ORC4: variants seen among roughly 807,000 people sequenced by gnomAD.
ORC4 encodes the protein origin recognition complex, subunit 4 homolog.
Under a neutral mutation model 63.9 loss-of-function variants are expected in ORC4, and 55 were observed. The ratio of observed to expected loss-of-function variants is 0.86; its 90% CI spans 0.69 to 1.08. The LOEUF is 1.08. Ranked by LOEUF, ORC4 falls within the 50% of genes least tolerant of loss-of-function variation. ORC4 has a pLI of 0.00. For synonymous variants in ORC4, 150 were observed against 168.5 expected (o/e 0.89, Z 0.85); for missense variants, 511 against 504.4 (o/e 1.01, Z -0.13).
At chr2:148,012,962 G>A (rs1382085964) in intron 1 of ORC4, among the ~76,000 whole-genome samples, 1 of 152,218 alleles carries the variant, frequency 6.6e-6, no homozygotes, top group Non-Finnish European at 1.5e-5. Flanking sequence ...AGAATGTGGA[G>A]AAAGGGGAAC....
intron 1 of ORC4, among the ~76,000 whole-genome samples, chr2:147,989,203 C>T (rs369478728): frequency 6.6e-6 from 1 of 152,004 alleles, no homozygotes; most frequent in African/African-American, 2.4e-5. Context: ...TAAAAAGGCA[C>T]GCTCTGAGTT....
At chr2:147,948,495 C>A (rs1688775536) in intron 8 of ORC4, among the ~76,000 whole-genome samples, 1 of 151,958 alleles carries the variant, frequency 6.6e-6, no homozygotes, top group Non-Finnish European at 1.5e-5. Context: ...TTTAAAAAAA[C>A]TGACAATATT....
At chr2:147,952,632 T>G in intron 7 of ORC4, 108 bp from the exon 8 acceptor site, 1 of 826,924 alleles carries the variant, frequency 1.2e-6, no homozygotes, top group Non-Finnish European at 2.0e-6. Context: ...CTGTAAACAT[T>G]CTGATAGCCT....
At chr2:148,008,136 T>C (rs1015745725) in intron 1 of ORC4, among the ~76,000 whole-genome samples, 2 of 152,208 alleles carry the variant, frequency 1.3e-5, no homozygotes, top group African/African-American at 4.8e-5. Flanking sequence ...CAGACTCATC[T>C]TTCAGAAAAT....
chr2:147,976,226 G>A (rs939915975), intron 1 of ORC4, among the ~76,000 whole-genome samples: 3 of 151,906 alleles, frequency 2.0e-5, no homozygotes, highest in Non-Finnish European at 4.4e-5. Flanking sequence ...AAAGTAAACT[G>A]AAGGTTTGTA....
intron 1 of ORC4, among the ~76,000 whole-genome samples, chr2:147,995,520 A>T (rs962725338): frequency 6.6e-6 from 1 of 152,116 alleles, no homozygotes; most frequent in African/African-American, 2.4e-5. Flanking sequence ...CGCTCTTCAC[A>T]ATAGATCTTG....
At chr2:148,004,332 T>A (rs1431765276) in intron 1 of ORC4, among the ~76,000 whole-genome samples, 1 of 152,180 alleles carries the variant, frequency 6.6e-6, no homozygotes, top group African/African-American at 2.4e-5. Context: ...AGAACAAAGC[T>A]GGAGGCATCA....
At chr2:147,972,905 A>C (rs1690303852) in intron 3 of ORC4, 76 bp from the exon 4 acceptor site, 1 of 932,454 alleles carries the variant, frequency 1.1e-6, no homozygotes, top group Non-Finnish European at 1.7e-6. Flanking sequence ...TTTAAAAGGC[A>C]TATTTGAATA....
intron 1 of ORC4, among the ~76,000 whole-genome samples, chr2:148,018,352 G>A (rs1693441930): frequency 6.6e-6 from 1 of 152,200 alleles, no homozygotes; most frequent in Admixed American, 6.5e-5. Flanking sequence ...ATATACTGCT[G>A]TCGGGGTATA....
chr2:148,008,920 G>T (rs1287177038), intron 1 of ORC4, among the ~76,000 whole-genome samples: 2 of 151,812 alleles, frequency 1.3e-5, no homozygotes, highest in Non-Finnish European at 2.9e-5. Flanking sequence ...TTCTTTTGCA[G>T]CATCGAAACT....
intron 4 of ORC4, among the ~76,000 whole-genome samples, chr2:147,970,826 A>T (rs1690169320): frequency 6.6e-6 from 1 of 152,088 alleles, no homozygotes; most frequent in South Asian, 2.1e-4. Context: ...AAAACTGACA[A>T]ATTAGATTAT....
chr2:147,987,811 T>C (rs959257857), intron 1 of ORC4, among the ~76,000 whole-genome samples: 2 of 152,094 alleles, frequency 1.3e-5, no homozygotes, highest in Non-Finnish European at 2.9e-5. Flanking sequence ...CCCAGCACTT[T>C]GGGAGGCCGA....
At chr2:147,989,943 T>G (rs986572441) in intron 1 of ORC4, among the ~76,000 whole-genome samples, 1 of 152,124 alleles carries the variant, frequency 6.6e-6, no homozygotes, top group African/African-American at 2.4e-5. Flanking sequence ...TACCCTTACT[T>G]TGAGGCAAAA....
rs1687991075 is a variant in ORC4 at position 147,935,368 on chromosome 2, C to T, written c.*142G>A. On this transcript the variant is annotated 3_prime_UTR_variant, in exon 14 of 14. Transcript: ENST00000392857. ...CTGTTCATGATTAAAAGGCAAGACACAGCCAAGACAGTAGATGGGCAAGTC... is the reference window on the plus strand; with the variant it reads ...CTGTTCATGATTAAAAGGCAAGACATAGCCAAGACAGTAGATGGGCAAGTC... The T allele has an allele frequency of 1.5e-6, 1 of 681,738 alleles. No individual in the cohort carries two copies. The allele number at this position is 681,738 out of a possible 1,614,324, so 42.2% of individuals were successfully genotyped here.
At chr2:147,972,903 G>A in intron 3 of ORC4, 74 bp from the exon 4 acceptor site, 1 of 1,017,840 alleles carries the variant, frequency 9.8e-7, no homozygotes. Context: ...TTTTTAAAAG[G>A]CATATTTGAA....
At chr2:147,987,118 G>A (rs1691250093) in intron 1 of ORC4, among the ~76,000 whole-genome samples, 1 of 150,658 alleles carries the variant, frequency 6.6e-6, no homozygotes, top group Non-Finnish European at 1.5e-5. Flanking sequence ...TTCCGTCTCA[G>A]CCTCCTAAGT....
chr2:147,966,034 G>C (rs985261484), intron 4 of ORC4, among the ~76,000 whole-genome samples: 3 of 151,784 alleles, frequency 2.0e-5, no homozygotes, highest in Admixed American at 2.0e-4. Flanking sequence ...AGGGAGACCT[G>C]GTCTATATTT....
intron 10 of ORC4, among the ~76,000 whole-genome samples, chr2:147,939,615 CCTTA>C (rs899434835): frequency 3.3e-5 from 5 of 152,080 alleles, no homozygotes; most frequent in Non-Finnish European, 4.4e-5. Context: ...CAGATCTACG[CCTTA>C]CTTGTTAACT....
chr2:147,977,266 C>A (rs1317048087), intron 1 of ORC4, among the ~76,000 whole-genome samples: 1 of 152,198 alleles, frequency 6.6e-6, no homozygotes, highest in Non-Finnish European at 1.5e-5. Context: ...CTCATCTAAT[C>A]TCCAGAAGGA....
Sources: allele counts gnomAD v4.1 joint callset (sites outside exome capture counted in the v4.1 genomes callset), GRCh38; gene constraint gnomAD v4.1.1; transcripts MANE v1.5; gene names NCBI Gene and HGNC (gene_info 2026-07-23, HGNC 2026-07-21).